Variants in TRIM67 observed in about 807,000 individuals in gnomAD.
The protein encoded by TRIM67 is tripartite motif-containing protein 67.
Under a neutral mutation model 71.0 loss-of-function variants are expected in TRIM67, and 39 were observed. The ratio of observed to expected loss-of-function variants is 0.55; its 90% confidence interval spans 0.43 to 0.72. The LOEUF (loss-of-function observed/expected upper bound fraction) is 0.72. Among genes scored for constraint, TRIM67 ranks in the 30% least tolerant of loss-of-function variants. The pLI is 0.00. For synonymous variants in TRIM67, 481 were observed against 473.9 expected (o/e 1.01, Z -0.19); for missense variants, 973 against 1,079.2 (o/e 0.90, Z 1.38).
At chr1:231,185,938 T>A (rs189235263) in intron 1 of TRIM67, 24 of 678,706 alleles carry the variant, frequency 3.5e-5, no homozygotes, top group Non-Finnish European at 5.8e-5. Flanking sequence ...ATGAGTGTGA[T>A]AAACGGCCGT....
At chr1:231,204,138 G>T (rs931144666) in intron 6 of TRIM67, 126 bp downstream of exon 6, 2 of 1,388,732 alleles carry the variant, frequency 1.4e-6, no homozygotes, top group African/African-American at 1.4e-5. Context: ...GGGGACACTG[G>T]CCAAAAGGAT....
At chr1:231,191,537 G>A (rs1683229345) in intron 1 of TRIM67, among the ~76,000 whole-genome samples, 1 of 152,202 alleles carries the variant, frequency 6.6e-6, no homozygotes, top group South Asian at 2.1e-4. Context: ...AGCAGGGCAG[G>A]GCAGAGGAAC....
Position 231,217,783 on chromosome 1 carries a change from A to G in TRIM67, c.*2343A>G. On this transcript the variant is annotated 3_prime_UTR_variant, in exon 10 of 10. Transcript: ENST00000366653. ...ATTGGAGCACAAGTTGCCTGGGGCT[A>G]CCCTGAACCTAACCCCTTTGAGGGA... 7.8e-7 allele frequency: 1 copy of G among 1,287,636 alleles called. No homozygotes were observed. The highest frequency in any genetic ancestry group is 1.0e-6 in the Non-Finnish European group (1 of 987,858). The allele number at this position is 1,287,636 out of a possible 1,614,324, so 79.8% of individuals were successfully genotyped here.
chr1:231,220,027 T>C lies in TRIM67; in HGVS notation c.*4587T>C. On this transcript the variant is annotated 3_prime_UTR_variant, in exon 10 of 10. Transcript: ENST00000366653. ...CTTTCTGTGCCTCAGTATCCCCACC[T>C]GAAATGAGACTAGTCATACTAACCT... is the stretch of plus-strand genomic sequence containing the variant. 7.0e-6 allele frequency: 8 copies of C among 1,137,396 alleles called. 1 individual carries two copies. In the South Asian group the frequency reaches 1.0e-4, roughly 15 times the overall value. The allele number at this position is 1,137,396 out of a possible 1,614,324, so 70.5% of individuals were successfully genotyped here.
intron 1 of TRIM67, among the ~76,000 whole-genome samples, chr1:231,191,788 G>A (rs1372999725): frequency 6.6e-6 from 1 of 152,202 alleles, no homozygotes; most frequent in African/African-American, 2.4e-5. Context: ...TTTTAATTAT[G>A]CCCAGTGTGG....
At chr1:231,197,530 A>G in intron 2 of TRIM67, 64 bp downstream of exon 2, 1 of 1,513,128 alleles carries the variant, frequency 6.6e-7, no homozygotes, top group Non-Finnish European at 9.2e-7. Flanking sequence ...TGTGCATCGT[A>G]TTAAGAAGAA....
chr1:231,169,760 T>C (rs1682575654), intron 1 of TRIM67, among the ~76,000 whole-genome samples: 1 of 152,108 alleles, frequency 6.6e-6, no homozygotes. Flanking sequence ...GCTTCTCTCC[T>C]ATCTGCCCCA....
In TRIM67 at chr1:231,163,909, TA is replaced by T; in HGVS notation, c.941del (p.Tyr314SerfsTer3). The stretch of plus-strand genomic sequence containing the variant: ...GCATGAAATGGAGAACTACAGCATG[TA>T]CTGCGTGAGCTGTCGAACCCCGGTG... ...PEHEMENYSM[Y>X]CVSCRTPVCY... On this transcript the variant is annotated frameshift_variant, in exon 1 of 10. Transcript: ENST00000366653. LOFTEE classifies it high-confidence loss of function. 6.3e-7 allele frequency: 1 copy of T among 1,587,160 alleles called. No individual in the cohort carries two copies. Among genetic ancestry groups the T allele is most frequent in the East Asian group, 2.3e-5 (1 of 43,374 alleles).
intron 1 of TRIM67, among the ~76,000 whole-genome samples, chr1:231,176,830 G>A (rs368124674): frequency 7.1e-6 from 1 of 141,782 alleles, no homozygotes; most frequent in African/African-American, 2.7e-5. Flanking sequence ...TGAAGAACAG[G>A]AATAGCCAGG....
At chr1:231,164,715 C>T (rs1256786658) in intron 1 of TRIM67, among the ~76,000 whole-genome samples, 6 of 152,114 alleles carry the variant, frequency 3.9e-5, no homozygotes, top group Admixed American at 3.9e-4. Context: ...GAGGTCTCCA[C>T]ACAGCCCAGC....
At chr1:231,208,173 G>A (rs1290627998) in intron 7 of TRIM67, among the ~76,000 whole-genome samples, 8 of 147,232 alleles carry the variant, frequency 5.4e-5, no homozygotes, top group African/African-American at 1.0e-4. Context: ...CATGTCCAGC[G>A]AATTTTTTTT....
In TRIM67 at chr1:231,204,425, C is replaced by T. The variant is rs564143180; in HGVS notation, c.1680+413C>T. On this transcript the variant is annotated intron_variant, in intron 6 of 9. Coordinates refer to ENST00000366653, the MANE Select transcript of TRIM67 (RefSeq NM_001004342.5). The stretch of plus-strand genomic sequence containing the variant: ...CACTGTCTGACCCTCATATACCTGG[C>T]AAGGTGCTGGGCATATAGAGGATGC... Among the ~76,000 whole-genome samples, 65 of 152,312 alleles carry T rather than the reference C, an allele frequency of 4.3e-4. 1 individual carries two copies. The South Asian group carries it at 0.012, about 29-fold the overall frequency.
chr1:231,194,715 C>G (rs1025488471), intron 1 of TRIM67, among the ~76,000 whole-genome samples: 1 of 152,212 alleles, frequency 6.6e-6, no homozygotes, highest in South Asian at 2.1e-4. Flanking sequence ...CACAGTCTCA[C>G]TCTGTCACCT....
intron 1 of TRIM67, among the ~76,000 whole-genome samples, chr1:231,178,822 CTGG>C (rs1438531632): frequency 5.3e-5 from 8 of 152,196 alleles, no homozygotes; most frequent in African/African-American, 1.9e-4. Context: ...ACACAAAATG[CTGG>C]TGTGAGGATG....
intron 5 of TRIM67, among the ~76,000 whole-genome samples, chr1:231,203,447 G>A (rs1011990116): frequency 2.0e-5 from 3 of 152,232 alleles, no homozygotes; most frequent in South Asian, 2.1e-4. Flanking sequence ...TGGGCCCTGC[G>A]GAGAGGATCC....
chr1:231,181,615 G>GA (rs1292080444), intron 1 of TRIM67, among the ~76,000 whole-genome samples: 1 of 151,944 alleles, frequency 6.6e-6, no homozygotes, highest in East Asian at 1.9e-4. Context: ...AGAAAAATGA[G>GA]AAAAAAGAAA....
At chr1:231,201,677 C>G (rs1302611532) in intron 5 of TRIM67, among the ~76,000 whole-genome samples, 160 bp downstream of exon 5, 1 of 152,224 alleles carries the variant, frequency 6.6e-6, no homozygotes, top group Admixed American at 6.5e-5. Flanking sequence ...CAAGTCCCAG[C>G]TCAGCCCCTG....
chr1:231,219,661 C>G lies in TRIM67; in HGVS notation c.*4221C>G. ...TTCCTTGGCCACATTTTACTGGAAG[C>G]AACAGGAACTTCTTAATGGGTTTGT... On this transcript the variant is annotated 3_prime_UTR_variant, in exon 10 of 10. Transcript: ENST00000366653. The G allele has an allele frequency of 9.5e-6, 11 of 1,158,724 alleles. No homozygotes were observed. The highest frequency in any genetic ancestry group is 1.2e-5 in the Non-Finnish European group (11 of 927,562). 71.8% of individuals were successfully genotyped at this position (1,158,724 alleles called of 1,614,324 possible).
At chr1:231,178,298 C>T (rs1363954658) in intron 1 of TRIM67, among the ~76,000 whole-genome samples, 1 of 152,174 alleles carries the variant, frequency 6.6e-6, no homozygotes, top group Non-Finnish European at 1.5e-5. Flanking sequence ...GCTATAGAGG[C>T]AGGAGAATAC....
Sources: allele counts gnomAD v4.1 joint callset (sites outside exome capture counted in the v4.1 genomes callset), GRCh38; gene constraint gnomAD v4.1.1; transcripts MANE v1.5; gene names NCBI Gene and HGNC (gene_info 2026-07-23, HGNC 2026-07-21).